Variants in GPHN observed in about 807,000 individuals in gnomAD.
GPHN encodes the protein gephyrin.
Under a neutral mutation model 95.5 loss-of-function variants are expected in GPHN, and 17 were observed. That is an observed-to-expected ratio of 0.18 (90% CI 0.12 to 0.27). The LOEUF is 0.27. Among genes scored for constraint, GPHN ranks in the 10% least tolerant of loss-of-function variants. GPHN has a pLI of 1.00. For synonymous variants in GPHN, 320 were observed against 322.5 expected (o/e 0.99, Z 0.08); for missense variants, 660 against 978.1 (o/e 0.67, Z 4.34).
Position 66,961,947 on chromosome 14 carries a change from T to TATATAC in GPHN, c.829-3243_829-3242insTATACA, listed in dbSNP as rs1555452281. Among the ~76,000 whole-genome samples the TATATAC allele has an allele frequency of 1.5e-3, 116 of 75,070 alleles. 1 individual carries two copies. In the Middle Eastern group the frequency reaches 0.021, roughly 14 times the overall value. The allele number at this position is 75,070 out of a possible 152,430, so 49.2% of individuals were successfully genotyped here. A position where few individuals can be genotyped will look rare whatever the true frequency, so the allele number is the denominator to read the frequency against. ...ATATATATATATATATATATATATATACACATATCTCCCAGAAATTTACTC... is the reference window on the plus strand; with the variant it reads ...ATATATATATATATATATATATATATATATACACACATATCTCCCAGAAATTTACTC... On this transcript the variant is annotated intron_variant, in intron 8 of 22. Transcript: ENST00000478722.
At chr14:67,456,463 A>AT in the GPHN span, among the ~76,000 whole-genome samples, 1 of 152,080 alleles carries the variant, frequency 6.6e-6, no homozygotes, top group African/African-American at 2.4e-5. Flanking sequence ...TCAGCTGGGC[A>AT]TGGTGGTAGG....
chr14:66,569,011 G>T (rs981201267), intron 1 of GPHN, among the ~76,000 whole-genome samples: 2 of 152,028 alleles, frequency 1.3e-5, no homozygotes, highest in Non-Finnish European at 2.9e-5. Context: ...GTATTGTGTT[G>T]TATACTGTAA....
chr14:67,512,840 G>A, the GPHN span, among the ~76,000 whole-genome samples: 63,876 of 151,946 alleles, frequency 0.42, 13,915 homozygotes, highest in Non-Finnish European at 0.48. Context: ...AGAAAAAAAA[G>A]CTTGCTGCCT....
chr14:66,763,724 C>T (rs540768261), intron 2 of GPHN, among the ~76,000 whole-genome samples: 31 of 152,118 alleles, frequency 2.0e-4, no homozygotes, highest in Non-Finnish European at 4.0e-4. Flanking sequence ...TCCCCAAACC[C>T]TGGGCCATTG....
chr14:66,967,166 T>TA (rs1289845463), intron 9 of GPHN, among the ~76,000 whole-genome samples: 3 of 151,918 alleles, frequency 2.0e-5, no homozygotes, highest in African/African-American at 7.2e-5. Context: ...ACCTCAAAGA[T>TA]AAAGTTATCA....
At chr14:66,698,943 A>C (rs2068306979) in intron 2 of GPHN, among the ~76,000 whole-genome samples, 1 of 152,206 alleles carries the variant, frequency 6.6e-6, no homozygotes, top group African/African-American at 2.4e-5. Context: ...TCAAGGGTAA[A>C]CTGCATTTTG....
At chr14:67,110,987 A>G (rs2078334498) in intron 14 of GPHN, among the ~76,000 whole-genome samples, 1 of 152,230 alleles carries the variant, frequency 6.6e-6, no homozygotes, top group African/African-American at 2.4e-5. Context: ...AATAGATTCA[A>G]CTGAGGTTTT....
intron 21 of GPHN, among the ~76,000 whole-genome samples, chr14:67,172,887 C>G (rs1036085749): frequency 6.6e-6 from 1 of 152,196 alleles, no homozygotes; most frequent in Non-Finnish European, 1.5e-5. Context: ...CTACTACATG[C>G]TGCCTCATCC....
intron 1 of GPHN, among the ~76,000 whole-genome samples, chr14:66,616,015 G>T (rs138690547): frequency 1.3e-5 from 2 of 152,046 alleles, no homozygotes; most frequent in African/African-American, 4.8e-5. Flanking sequence ...GTTTGTTGAA[G>T]ATCAGATGGT....
chr14:67,126,118 C>T (rs2079299497), intron 17 of GPHN, among the ~76,000 whole-genome samples: 1 of 152,070 alleles, frequency 6.6e-6, no homozygotes, highest in African/African-American at 2.4e-5. Context: ...GAAAATCATT[C>T]ATTTGTAAAC....
the GPHN span, among the ~76,000 whole-genome samples, chr14:67,269,335 T>TG: frequency 6.6e-6 from 1 of 151,436 alleles, no homozygotes; most frequent in Non-Finnish European, 1.5e-5. Flanking sequence ...TTGTACAAGT[T>TG]TTTGTGTGTG....
chr14:67,668,027 G>A, the GPHN span, among the ~76,000 whole-genome samples: 2 of 152,076 alleles, frequency 1.3e-5, no homozygotes, highest in Admixed American at 6.6e-5. Flanking sequence ...GGTGTTTATC[G>A]GCCAGCTGAT....
At chr14:66,711,681 G>A (rs1478755396) in intron 2 of GPHN, among the ~76,000 whole-genome samples, 2 of 150,912 alleles carry the variant, frequency 1.3e-5, no homozygotes, top group Non-Finnish European at 2.9e-5. Context: ...TGCCATGTTG[G>A]TTTGCTGCAT....
At chr14:66,910,269 G>GA (rs2065607101) in intron 5 of GPHN, among the ~76,000 whole-genome samples, 1 of 151,900 alleles carries the variant, frequency 6.6e-6, no homozygotes, top group African/African-American at 2.4e-5. Context: ...TTTTTATTGT[G>GA]AAAAATTTCA....
At chr14:67,156,053 C>T (rs1007577910) in intron 18 of GPHN, among the ~76,000 whole-genome samples, 3 of 151,938 alleles carry the variant, frequency 2.0e-5, no homozygotes, top group Admixed American at 2.0e-4. Context: ...ACAATTTCAG[C>T]CAAACAAAAA....
At chr14:67,475,598 G>C in the GPHN span, among the ~76,000 whole-genome samples, 1 of 152,184 alleles carries the variant, frequency 6.6e-6, no homozygotes, top group African/African-American at 2.4e-5. Flanking sequence ...TAATGGGTGT[G>C]AGGTGGTTCT....
chr14:67,609,887 G>A, the GPHN span, among the ~76,000 whole-genome samples: 1 of 135,432 alleles, frequency 7.4e-6, no homozygotes, highest in African/African-American at 3.4e-5. Context: ...TGGAGAAAGG[G>A]CGAGTCTGCA....
chr14:67,244,836 A>C, the GPHN span, among the ~76,000 whole-genome samples: 2 of 152,212 alleles, frequency 1.3e-5, no homozygotes, highest in African/African-American at 4.8e-5. Context: ...TGTTTGCTTA[A>C]GTGGCAAAGG....
At chr14:67,161,668 A>G (rs2081989780) in intron 19 of GPHN, among the ~76,000 whole-genome samples, 2 of 152,176 alleles carry the variant, frequency 1.3e-5, no homozygotes, top group African/African-American at 4.8e-5. Context: ...GGCTAAGGCG[A>G]GAGGATCACT....
Sources: gnomAD v4.1 joint callset for allele counts (sites outside exome capture counted in the v4.1 genomes callset) on GRCh38, gnomAD v4.1.1 for gene constraint, MANE v1.5 for transcripts, NCBI Gene and HGNC (gene_info 2026-07-23, HGNC 2026-07-21) for gene names.